Variants in VOPP1 observed in about 807,000 individuals in gnomAD.
VOPP1 encodes WW domain binding protein VOPP1.
A neutral mutation model predicts 23.5 loss-of-function variants in VOPP1; 8 were observed. The observed-to-expected ratio is 0.34, with a 90% CI of 0.20 to 0.61. The LOEUF is 0.61. Among genes scored for constraint, VOPP1 ranks in the 20% least tolerant of loss-of-function variants. The pLI is 0.78. For missense variants in VOPP1, 174 were observed against 238.1 expected (o/e 0.73, Z 1.77); for synonymous variants, 83 against 97.3 (o/e 0.85, Z 0.86).
At chr7:55,462,818 G>T (rs1338734242) in intron 4 of VOPP1, among the ~76,000 whole-genome samples, 1 of 148,914 alleles carries the variant, frequency 6.7e-6, no homozygotes, top group African/African-American at 2.4e-5. Context: ...ACTACGCCCA[G>T]CTAATTTTTT....
At chr7:55,523,792 C>T (rs150756571) in intron 1 of VOPP1, among the ~76,000 whole-genome samples, 1,669 of 152,224 alleles carry the variant, frequency 0.011, 11 homozygotes, top group Middle Eastern at 0.02. Context: ...ATTTAGAGAT[C>T]TGTCTCTGTA....
intron 4 of VOPP1, among the ~76,000 whole-genome samples, chr7:55,445,279 A>T (rs1791074119): frequency 1.6e-5 from 1 of 62,700 alleles, no homozygotes; most frequent in Non-Finnish European, 4.0e-5. Flanking sequence ...ACACACACAG[A>T]CACACACACA....
chr7:55,495,467 C>CAT (rs1351450649), intron 3 of VOPP1, among the ~76,000 whole-genome samples: 2 of 152,208 alleles, frequency 1.3e-5, no homozygotes, highest in Non-Finnish European at 2.9e-5. Flanking sequence ...AGAAGCTTCC[C>CAT]ATCACCTTTT....
At chr7:55,540,624 A>G (rs1277962324) in intron 1 of VOPP1, among the ~76,000 whole-genome samples, 1 of 152,078 alleles carries the variant, frequency 6.6e-6, no homozygotes, top group East Asian at 1.9e-4. Flanking sequence ...CCGAGTAAAC[A>G]CGTGGAGCAT....
At position 55,497,699 on chromosome 7, in the gene VOPP1, A is replaced by C; in HGVS notation, c.114-9T>G. On this transcript the variant is annotated splice_polypyrimidine_tract_variant and intron_variant, in intron 2 of 4. Coordinates refer to ENST00000285279, the MANE Select transcript of VOPP1 (RefSeq NM_030796.5). ...CCTCGTAGGAGCGGCATCTGTGGAG[A>C]GAGGCACAGGCTGGTCAGCACTGAA... 6.2e-7 allele frequency: 1 copy of C among 1,613,776 alleles called. No individual in the cohort carries two copies. Among genetic ancestry groups the C allele is most frequent in the South Asian group, 1.1e-5 (1 of 91,080 alleles).
chr7:55,508,139 T>C (rs750872992), intron 2 of VOPP1, among the ~76,000 whole-genome samples: 21 of 152,218 alleles, frequency 1.4e-4, no homozygotes, highest in Non-Finnish European at 2.1e-4. Context: ...TGCTCATTTC[T>C]TTGCCATTTT....
chr7:55,462,079 T>TTA (rs1791514747), intron 4 of VOPP1, among the ~76,000 whole-genome samples: 2 of 152,198 alleles, frequency 1.3e-5, no homozygotes, highest in Non-Finnish European at 2.9e-5. Flanking sequence ...TTATTACTCT[T>TTA]TAATTTTTGA....
intron 4 of VOPP1, among the ~76,000 whole-genome samples, chr7:55,490,015 G>A (rs975096698): frequency 6.6e-6 from 1 of 152,006 alleles, no homozygotes; most frequent in African/African-American, 2.4e-5. Context: ...TGCGATGCAG[G>A]ACTAGAGAGA....
chr7:55,498,626 T>C (rs1794150409), intron 2 of VOPP1, among the ~76,000 whole-genome samples: 1 of 152,184 alleles, frequency 6.6e-6, no homozygotes, highest in African/African-American at 2.4e-5. Context: ...GCCACTTCTC[T>C]ACAATATTAA....
At chr7:55,535,015 G>A (rs1166793502) in intron 1 of VOPP1, among the ~76,000 whole-genome samples, 1 of 152,228 alleles carries the variant, frequency 6.6e-6, no homozygotes, top group East Asian at 1.9e-4. Context: ...TTGAAGAGTG[G>A]TAGAGCCTGC....
chr7:55,511,502 T>C (rs1236808041), intron 2 of VOPP1, among the ~76,000 whole-genome samples: 1 of 152,248 alleles, frequency 6.6e-6, no homozygotes, highest in Non-Finnish European at 1.5e-5. Context: ...CTTAAAATTT[T>C]AGAATGTGAA....
At chr7:55,461,581 C>T (rs1791501913) in intron 4 of VOPP1, among the ~76,000 whole-genome samples, 1 of 152,066 alleles carries the variant, frequency 6.6e-6, no homozygotes, top group South Asian at 2.1e-4. Context: ...CCATGCCCAG[C>T]TCATTTTTGT....
rs773665662 is a variant in VOPP1 at position 55,492,273 on chromosome 7, C to A, written c.328+9G>T. On this transcript the variant is annotated intron_variant, in intron 4 of 4. Coordinates refer to ENST00000285279, the MANE Select transcript of VOPP1 (RefSeq NM_030796.5). Reference sequence around the variant, plus strand: ...GTGGGGAGGAGAGACAAGGACAGGGCTGGCTGACCTGGGCCGGGATTTGGG... The same window carrying A: ...GTGGGGAGGAGAGACAAGGACAGGGATGGCTGACCTGGGCCGGGATTTGGG... 22 of 1,607,248 alleles carry A rather than the reference C, an allele frequency of 1.4e-5. No individual in the cohort carries two copies. The highest frequency in any genetic ancestry group is 1.7e-5 in the Non-Finnish European group (20 of 1,176,284).
chr7:55,557,746 C>T, intron 1 of VOPP1, among the ~76,000 whole-genome samples: 1 of 152,214 alleles, frequency 6.6e-6, no homozygotes, highest in East Asian at 1.9e-4. Context: ...TTGTAAGGAG[C>T]TGCTGCAACC....
chr7:55,549,047 AG>A (rs1165392706), intron 1 of VOPP1, among the ~76,000 whole-genome samples: 1 of 152,102 alleles, frequency 6.6e-6, no homozygotes, highest in African/African-American at 2.4e-5. Flanking sequence ...ATTTAAACAC[AG>A]GGGAAAAACA....
intron 4 of VOPP1, among the ~76,000 whole-genome samples, chr7:55,484,191 C>T (rs1792956729): frequency 6.6e-6 from 1 of 152,134 alleles, no homozygotes; most frequent in Admixed American, 6.5e-5. Context: ...TCCCTGACCT[C>T]CCCCAACTTT....
chr7:55,556,947 G>C (rs557712749), intron 1 of VOPP1, among the ~76,000 whole-genome samples: 1 of 152,170 alleles, frequency 6.6e-6, no homozygotes, highest in African/African-American at 2.4e-5. Flanking sequence ...ATCACCTAGA[G>C]CCAATCAAAT....
At position 55,482,545 on chromosome 7, in the gene VOPP1, G is replaced by A. The variant is rs1792817423; in HGVS notation, c.329-9500C>T. ...ATGGGGATTCACCGTGTTAGTCAGG[G>A]AGGTAGGGCGGTCTCGATCTCCTGA... is the stretch of plus-strand genomic sequence containing the variant. On this transcript the variant is annotated intron_variant, in intron 4 of 4. Transcript: ENST00000285279. Among the ~76,000 whole-genome samples, 5 of 150,660 alleles carry A rather than the reference G, an allele frequency of 3.3e-5. No homozygotes were observed. In the South Asian group the frequency reaches 1.1e-3, roughly 32 times the overall value.
Position 55,494,806 on chromosome 7 carries a change from G to T in VOPP1, c.192-2388C>A, listed in dbSNP as rs34066082. 9.5e-3 allele frequency among the ~76,000 whole-genome samples: 1,450 copies of T among 152,244 alleles called. 11 individuals carry two copies. The highest frequency in any genetic ancestry group is 0.016 in the Non-Finnish European group (1,110 of 67,988). ...GAAACTAACAAAGGGGCAGGAGAAA[G>T]CGCTTCTAAAAACAAGGAAAGAGAC... is the stretch of plus-strand genomic sequence containing the variant. On this transcript the variant is annotated intron_variant, in intron 3 of 4. Coordinates refer to ENST00000285279, the MANE Select transcript of VOPP1 (RefSeq NM_030796.5).
Sources: allele counts gnomAD v4.1 joint callset (sites outside exome capture counted in the v4.1 genomes callset), GRCh38; gene constraint gnomAD v4.1.1; transcripts MANE v1.5; gene names NCBI Gene and HGNC (gene_info 2026-07-23, HGNC 2026-07-21).